GUCY1B1: variants seen among roughly 807,000 people sequenced by gnomAD.
GUCY1B1 encodes guanylate cyclase soluble subunit beta-1.
A neutral mutation model predicts 71.0 loss-of-function variants in GUCY1B1; 43 were observed. The ratio of observed to expected loss-of-function variants is 0.61; its 90% CI spans 0.47 to 0.78. GUCY1B1 has a LOEUF of 0.78. Among genes scored for constraint, GUCY1B1 ranks in the 30% least tolerant of loss-of-function variants. The pLI is 0.00. For missense variants in GUCY1B1, 535 were observed against 754.1 expected, an observed-to-expected ratio of 0.71 and a Z score of 3.40; for synonymous variants, 266 against 259.7, an observed-to-expected ratio of 1.02 and a Z score of -0.23.
At chr4:155,781,036 C>G (rs1297487294) in intron 4 of GUCY1B1, among the ~76,000 whole-genome samples, 2 of 152,152 alleles carry the variant, frequency 1.3e-5, no homozygotes, top group African/African-American at 4.8e-5. Context: ...AGTTGCCTGT[C>G]CACAGCCTCT....
chr4:155,761,941 G>T (rs1268368875), intron 2 of GUCY1B1, among the ~76,000 whole-genome samples: 6 of 152,212 alleles, frequency 3.9e-5, no homozygotes, highest in Non-Finnish European at 2.9e-5. Context: ...ACTGGTGTTG[G>T]TAATCCAGGT....
rs763635989 is a variant in GUCY1B1 at position 155,789,694 on chromosome 4, C to T, written c.298-20C>T. On this transcript the variant is annotated intron_variant, in intron 4 of 13. Coordinates refer to ENST00000264424, the MANE Select transcript of GUCY1B1 (RefSeq NM_000857.5). The stretch of plus-strand genomic sequence containing the variant: ...TTGCGAAAGCATTGTTTATTGGTCT[C>T]CCTTTCTTCTTTGCTGCAGAACCTT... The T allele has an allele frequency of 2.0e-6, 3 of 1,466,308 alleles. No individual in the cohort carries two copies. Among genetic ancestry groups the T allele is most frequent in the South Asian group, 1.2e-5 (1 of 82,052 alleles). 90.8% of individuals were successfully genotyped at this position (1,466,308 alleles called of 1,614,324 possible).
chr4:155,777,259 T>A (rs1004087885), intron 3 of GUCY1B1, among the ~76,000 whole-genome samples: 4 of 152,222 alleles, frequency 2.6e-5, no homozygotes, highest in Non-Finnish European at 5.9e-5. Flanking sequence ...AGATTAGGTA[T>A]GCTCCACTTA....
intron 2 of GUCY1B1, among the ~76,000 whole-genome samples, chr4:155,764,237 A>G (rs908111453): frequency 3.9e-5 from 6 of 152,192 alleles, no homozygotes; most frequent in African/African-American, 1.4e-4. Flanking sequence ...TAATGAGCCT[A>G]TGTATGTTTT....
chr4:155,800,792 T>G (rs1229758554), intron 9 of GUCY1B1, among the ~76,000 whole-genome samples: 2 of 152,172 alleles, frequency 1.3e-5, no homozygotes, highest in South Asian at 4.1e-4. Flanking sequence ...TTATAAGCTA[T>G]TTTACCCAGG....
chr4:155,781,293 G>A (rs571373394), intron 4 of GUCY1B1, among the ~76,000 whole-genome samples: 2 of 152,066 alleles, frequency 1.3e-5, no homozygotes, highest in African/African-American at 4.8e-5. Context: ...TTTTTTATTC[G>A]AGGATACTGT....
At chr4:155,769,530 C>T (rs565186795) in intron 2 of GUCY1B1, among the ~76,000 whole-genome samples, 1 of 152,100 alleles carries the variant, frequency 6.6e-6, no homozygotes, top group South Asian at 2.1e-4. Flanking sequence ...TAGTGAAAGA[C>T]TATGTTCACT....
At position 155,793,777 on chromosome 4, in the gene GUCY1B1, T is replaced by C. The variant is rs1238667885; in HGVS notation, c.496-79T>C. On this transcript the variant is annotated intron_variant, in intron 5 of 13. Transcript: ENST00000264424. ...ATTAATCTTCTAAATGCAGTATTCA[T>C]AACTCATTTTTTATATTTAGGTATT... 4 of 686,522 alleles carry C rather than the reference T, an allele frequency of 5.8e-6. No homozygotes were observed. The East Asian group carries it at 1.1e-4, about 18-fold the overall frequency. 42.5% of individuals were successfully genotyped at this position (686,522 alleles called of 1,614,324 possible). A position where few individuals can be genotyped will look rare whatever the true frequency, so the allele number is the denominator to read the frequency against.
rs753742150 is a variant in GUCY1B1 at position 155,772,750 on chromosome 4, T to C, written c.78-2218T>C. ...AGAGAGATTTTAATGCTTATGTGCT[T>C]TATGTGATTTGCTCCGGTTCATTTA... On this transcript the variant is annotated intron_variant, in intron 2 of 13. Transcript: ENST00000264424. 2.4e-5 allele frequency: 17 copies of C among 702,532 alleles called. No homozygotes were observed. The South Asian group carries it at 2.5e-4, about 10-fold the overall frequency. 43.5% of individuals were successfully genotyped at this position (702,532 alleles called of 1,614,324 possible). A position where few individuals can be genotyped will look rare whatever the true frequency, so the allele number is the denominator to read the frequency against.
At chr4:155,768,538 T>C (rs1227992366) in intron 2 of GUCY1B1, among the ~76,000 whole-genome samples, 5 of 151,214 alleles carry the variant, frequency 3.3e-5, no homozygotes, top group East Asian at 1.9e-4. Context: ...TTTTTAAACA[T>C]GTATACCTTT....
chr4:155,777,467 A>G (rs765371002), intron 3 of GUCY1B1, 57 bp from the exon 4 acceptor site: 11 of 890,860 alleles, frequency 1.2e-5, no homozygotes, highest in Admixed American at 5.4e-5. Flanking sequence ...CATTTTTTCT[A>G]TTAACAATAT....
chr4:155,765,938 A>G (rs1022246647), intron 2 of GUCY1B1, among the ~76,000 whole-genome samples: 4 of 152,116 alleles, frequency 2.6e-5, no homozygotes, highest in Admixed American at 1.3e-4. Flanking sequence ...CTCACATCCA[A>G]ACTTTTCCCT....
intron 4 of GUCY1B1, among the ~76,000 whole-genome samples, chr4:155,778,321 T>C (rs1738193915): frequency 6.6e-6 from 1 of 152,226 alleles, no homozygotes; most frequent in Non-Finnish European, 1.5e-5. Context: ...AGACTATTTC[T>C]GGATTGACTA....
chr4:155,772,204 T>A (rs1660004075), intron 2 of GUCY1B1, among the ~76,000 whole-genome samples: 1 of 152,176 alleles, frequency 6.6e-6, no homozygotes, highest in African/African-American at 2.4e-5. Flanking sequence ...AACAGCTGTT[T>A]ATGTTTGGAA....
chr4:155,759,045 G>T lies in GUCY1B1; in HGVS notation c.-96G>T, dbSNP rs1182144934. ...CGCTCCAGCTCGATGCTGCCTCCCCGGCCCGGTTGCGCTGTAGCCGCTGCC... is the reference window on the plus strand; with the variant it reads ...CGCTCCAGCTCGATGCTGCCTCCCCTGCCCGGTTGCGCTGTAGCCGCTGCC... On this transcript the variant is annotated 5_prime_UTR_variant, in exon 1 of 14. Coordinates refer to ENST00000264424, the MANE Select transcript of GUCY1B1 (RefSeq NM_000857.5). The T allele has an allele frequency of 7.5e-7, 1 of 1,327,462 alleles. No homozygotes were observed. Among genetic ancestry groups the T allele is most frequent in the Admixed American group, 2.0e-5 (1 of 51,166 alleles). The allele number at this position is 1,327,462 out of a possible 1,614,324, so 82.2% of individuals were successfully genotyped here.
At chr4:155,765,921 A>C (rs1039651893) in intron 2 of GUCY1B1, among the ~76,000 whole-genome samples, 1 of 152,190 alleles carries the variant, frequency 6.6e-6, no homozygotes, top group Non-Finnish European at 1.5e-5. Context: ...TCTTAAGGGA[A>C]CCTTCTCTCA....
Position 155,759,061 on chromosome 4 carries a change from A to G in GUCY1B1, c.-80A>G, listed in dbSNP as rs1736749221. 6.8e-7 allele frequency: 1 copy of G among 1,470,878 alleles called. No individual in the cohort carries two copies. The highest frequency in any genetic ancestry group is 9.3e-7 in the Non-Finnish European group (1 of 1,075,148). The allele number at this position is 1,470,878 out of a possible 1,614,324, so 91.1% of individuals were successfully genotyped here. On this transcript the variant is annotated 5_prime_UTR_variant, in exon 1 of 14. Coordinates refer to ENST00000264424, the MANE Select transcript of GUCY1B1 (RefSeq NM_000857.5). ...TGCCTCCCCGGCCCGGTTGCGCTGT[A>G]GCCGCTGCCGCCTCTGCCTGGGTCC... is the stretch of plus-strand genomic sequence containing the variant.
At chr4:155,792,817 T>C (rs1385832250) in intron 5 of GUCY1B1, among the ~76,000 whole-genome samples, 1 of 152,166 alleles carries the variant, frequency 6.6e-6, no homozygotes, top group African/African-American at 2.4e-5. Flanking sequence ...GGAAAATCTA[T>C]ACTTTAATAA....
chr4:155,795,630 G>A (rs1739497492), intron 7 of GUCY1B1, among the ~76,000 whole-genome samples, 173 bp downstream of exon 7: 1 of 152,158 alleles, frequency 6.6e-6, no homozygotes. Context: ...CTGAGGAGCA[G>A]TGGAACTCTA....
Sources: allele counts gnomAD v4.1 joint callset (sites outside exome capture counted in the v4.1 genomes callset), GRCh38; gene constraint gnomAD v4.1.1; transcripts MANE v1.5; gene names NCBI Gene and HGNC (gene_info 2026-07-23, HGNC 2026-07-21).